KCNIP4: variants seen among roughly 807,000 people sequenced by gnomAD.
KCNIP4 encodes potassium voltage-gated channel interacting protein 4, also known as Kv channel-interacting protein 4.
In KCNIP4, 12 loss-of-function variants were observed where a neutral mutation model predicts 34.0. That is an observed-to-expected ratio of 0.35 (90% CI 0.23 to 0.57). The LOEUF (loss-of-function observed/expected upper bound fraction) is 0.57, where lower values mean the gene tolerates loss of function less well. Ranked by LOEUF, KCNIP4 falls within the 20% of genes least tolerant of loss-of-function variation. KCNIP4 has a pLI of 0.83. For synonymous variants in KCNIP4, 124 were observed against 102.2 expected (o/e 1.21, Z -1.29); for missense variants, 238 against 311.7 (o/e 0.76, Z 1.78).
At chr4:21,709,019 T>C (rs915426681) in intron 1 of KCNIP4, among the ~76,000 whole-genome samples, 4 of 152,146 alleles carry the variant, frequency 2.6e-5, no homozygotes, top group African/African-American at 9.7e-5. Context: ...ACATATACTA[T>C]TAGACTAATA....
At chr4:20,865,644 A>C (rs1197501283) in intron 2 of KCNIP4, among the ~76,000 whole-genome samples, 1 of 152,106 alleles carries the variant, frequency 6.6e-6, no homozygotes, top group Non-Finnish European at 1.5e-5. Flanking sequence ...CATTTACATA[A>C]AGAACCTAAA....
intron 1 of KCNIP4, among the ~76,000 whole-genome samples, chr4:21,277,791 G>A (rs1307243017): frequency 3.9e-5 from 6 of 152,138 alleles, no homozygotes; most frequent in South Asian, 2.1e-4. Flanking sequence ...GCATTAGGCC[G>A]TCAGATTCAA....
intron 1 of KCNIP4, among the ~76,000 whole-genome samples, chr4:21,895,688 G>A (rs1414450158): frequency 6.6e-6 from 1 of 152,146 alleles, no homozygotes; most frequent in Admixed American, 6.5e-5. Flanking sequence ...TCTATAGTCT[G>A]GATAGCGAGA....
At chr4:21,796,523 T>A (rs2109243927) in intron 1 of KCNIP4, among the ~76,000 whole-genome samples, 1 of 152,332 alleles carries the variant, frequency 6.6e-6, no homozygotes, top group East Asian at 1.9e-4. Context: ...GAGAGAAAGA[T>A]GTCTGAAATG....
chr4:21,560,092 CT>C (rs1361583905), intron 1 of KCNIP4, among the ~76,000 whole-genome samples: 1 of 152,104 alleles, frequency 6.6e-6, no homozygotes, highest in South Asian at 2.1e-4. Flanking sequence ...TTTTCTCCCC[CT>C]GGAGAACTAA....
At chr4:21,557,406 T>C (rs1483464441) in intron 1 of KCNIP4, among the ~76,000 whole-genome samples, 1 of 152,120 alleles carries the variant, frequency 6.6e-6, no homozygotes, top group South Asian at 2.1e-4. Flanking sequence ...TGCCACCATA[T>C]CTACTTAGTC....
At chr4:21,583,757 T>G (rs1178584883) in intron 1 of KCNIP4, among the ~76,000 whole-genome samples, 1 of 151,982 alleles carries the variant, frequency 6.6e-6, no homozygotes, top group East Asian at 1.9e-4. Flanking sequence ...AGAAACCAAA[T>G]GAGTAGATGA....
intron 1 of KCNIP4, among the ~76,000 whole-genome samples, chr4:21,826,197 T>A (rs900171544): frequency 6.6e-6 from 1 of 152,200 alleles, no homozygotes; most frequent in Non-Finnish European, 1.5e-5. Context: ...TAAATGTCTG[T>A]GTATATTTGA....
chr4:21,925,979 C>T (rs185070511), intron 1 of KCNIP4, among the ~76,000 whole-genome samples: 37 of 152,230 alleles, frequency 2.4e-4, no homozygotes, highest in Admixed American at 2.0e-3. Flanking sequence ...TCTTAATCTT[C>T]AGAAAGGGCA....
At chr4:21,039,717 C>T (rs775760694) in intron 1 of KCNIP4, among the ~76,000 whole-genome samples, 1 of 152,046 alleles carries the variant, frequency 6.6e-6, no homozygotes, top group Non-Finnish European at 1.5e-5. Context: ...CATATGAGCT[C>T]CTGGGAGTGA....
intron 1 of KCNIP4, among the ~76,000 whole-genome samples, chr4:20,883,353 G>A (rs1158974694): frequency 6.6e-6 from 1 of 152,100 alleles, no homozygotes; most frequent in Non-Finnish European, 1.5e-5. Flanking sequence ...ACTAATTCTG[G>A]AAGAAGCCAG....
Position 20,735,434 on chromosome 4 carries a change from G to T in KCNIP4, c.430-699C>A, listed in dbSNP as rs1028302108. 2.0e-5 allele frequency among the ~76,000 whole-genome samples: 3 copies of T among 151,314 alleles called. No homozygotes were observed. The East Asian group carries it at 5.8e-4, about 29-fold the overall frequency. ...AATGACATTGGCTATGTAAGTTTTTGTTAAGTAAATGGAGCCCTCAGTTTG... is the reference window on the plus strand; with the variant it reads ...AATGACATTGGCTATGTAAGTTTTTTTTAAGTAAATGGAGCCCTCAGTTTG... On this transcript the variant is annotated intron_variant, in intron 5 of 8. Transcript: ENST00000382152.
At chr4:21,118,949 G>T (rs1053522178) in intron 1 of KCNIP4, among the ~76,000 whole-genome samples, 1 of 152,182 alleles carries the variant, frequency 6.6e-6, no homozygotes. Context: ...CGTGAATTCA[G>T]TCACCATTAT....
intron 1 of KCNIP4, chr4:21,850,435 G>A (rs1226495387): frequency 6.6e-6 from 1 of 151,962 alleles, no homozygotes; most frequent in Non-Finnish European, 1.5e-5. Flanking sequence ...TAATGGCATG[G>A]GACCAGTGGC....
chr4:21,150,927 T>C (rs750521267), intron 1 of KCNIP4, among the ~76,000 whole-genome samples: 49 of 152,360 alleles, frequency 3.2e-4, no homozygotes, highest in Non-Finnish European at 5.1e-4. Context: ...ATTTACATCC[T>C]TGTTACAGTA....
At chr4:21,859,302 T>G (rs1266789173) in intron 1 of KCNIP4, among the ~76,000 whole-genome samples, 1 of 152,088 alleles carries the variant, frequency 6.6e-6, no homozygotes, top group African/African-American at 2.4e-5. Flanking sequence ...CCTGCTATCC[T>G]TTTGAGGACC....
intron 1 of KCNIP4, among the ~76,000 whole-genome samples, chr4:20,922,547 G>GTCTACCTA (rs1729504587): frequency 7.7e-6 from 1 of 129,448 alleles, no homozygotes; most frequent in African/African-American, 2.9e-5. Flanking sequence ...CTGTCTGTCT[G>GTCTACCTA]TCTATCTATC....
intron 1 of KCNIP4, among the ~76,000 whole-genome samples, chr4:21,638,721 C>T (rs1192257085): frequency 6.6e-6 from 1 of 152,164 alleles, no homozygotes; most frequent in Non-Finnish European, 1.5e-5. Context: ...TTGCACATTT[C>T]ATTAAAAATG....
intron 1 of KCNIP4, among the ~76,000 whole-genome samples, chr4:21,786,340 C>T (rs1403328347): frequency 6.6e-6 from 1 of 152,152 alleles, no homozygotes; most frequent in Non-Finnish European, 1.5e-5. Flanking sequence ...AAGTGCTCTC[C>T]AAAGTGGCTG....
Sources: allele counts gnomAD v4.1 joint callset (sites outside exome capture counted in the v4.1 genomes callset), GRCh38; gene constraint gnomAD v4.1.1; transcripts MANE v1.5; gene names NCBI Gene and HGNC (gene_info 2026-07-23, HGNC 2026-07-21).